The following GSPT1 variants were observed in gnomAD, a reference collection of about 807,000 sequenced individuals.
GSPT1 encodes the protein eukaryotic peptide chain release factor GTP-binding subunit ERF3A.
A neutral mutation model predicts 72.5 loss-of-function variants in GSPT1; 20 were observed. The observed-to-expected ratio is 0.28, with a 90% CI of 0.19 to 0.40. The LOEUF is 0.40. Among genes scored for constraint, GSPT1 ranks in the 10% least tolerant of loss-of-function variants. The pLI is 1.00. For synonymous variants in GSPT1, 334 were observed against 293.5 expected, an observed-to-expected ratio of 1.14 and a Z score of -1.41; for missense variants, 580 against 811.9, an observed-to-expected ratio of 0.71 and a Z score of 3.47.
At chr16:11,882,269 A>G (rs1567437415) in intron 11 of GSPT1, 1 of 152,182 alleles carries the variant, frequency 6.6e-6, no homozygotes, top group East Asian at 1.9e-4. Flanking sequence ...AGCAGCAACA[A>G]CTAACTAAGA....
chr16:11,869,755 C>G lies in GSPT1; in HGVS notation c.*3364G>C, dbSNP rs904844394. The G allele has an allele frequency of 1.3e-5, 2 of 152,182 alleles. No individual in the cohort carries two copies. Among genetic ancestry groups the G allele is most frequent in the Non-Finnish European group, 2.9e-5 (2 of 68,042 alleles). The allele number at this position is 152,182 out of a possible 1,614,324, so 9.4% of individuals were successfully genotyped here. A position where few individuals can be genotyped will look rare whatever the true frequency, so the allele number is the denominator to read the frequency against. ...GAGTGCTGTTATGTGTAATAGTCAT[C>G]AAAGATCACGGAGTAATTCCAGTCA... is the stretch of plus-strand genomic sequence containing the variant. On this transcript the variant is annotated 3_prime_UTR_variant, in exon 15 of 15. Coordinates refer to ENST00000434724, the MANE Select transcript of GSPT1 (RefSeq NM_002094.4).
chr16:11,913,502 GA>G (rs2054586508), intron 1 of GSPT1, among the ~76,000 whole-genome samples: 1 of 152,176 alleles, frequency 6.6e-6, no homozygotes, highest in Admixed American at 6.5e-5. Flanking sequence ...CAACTATCAG[GA>G]AGAGAGAAAG....
At position 11,915,634 on chromosome 16, in the gene GSPT1, G is replaced by A. The variant is rs1279343400; in HGVS notation, c.87C>T (p.Asp29=). 6.7e-7 allele frequency: 1 copy of A among 1,488,966 alleles called. No homozygotes were observed. The highest frequency in any genetic ancestry group is 1.5e-5 in the African/African-American group (1 of 67,766). 92.2% of individuals were successfully genotyped at this position (1,488,966 alleles called of 1,614,324 possible). Residue 29 remains aspartate, a synonymous_variant, in exon 1 of 15, where the codon GAC becomes GAT. Coordinates refer to ENST00000434724, the MANE Select transcript of GSPT1 (RefSeq NM_002094.4). ...SGSSSSDSAP[D]CWDQADMEAP... Reference sequence around the variant, plus strand: ...CTTCCATGTCCGCCTGGTCCCAGCAGTCAGGCGCCGAGTCGCTGCTGCTGC... The same window carrying A: ...CTTCCATGTCCGCCTGGTCCCAGCAATCAGGCGCCGAGTCGCTGCTGCTGC...
At position 11,873,978 on chromosome 16, in the gene GSPT1, G is replaced by A. The variant is rs2054008365; in HGVS notation, c.1862-807C>T. ...TGGAGTACTATTCAGTGATACAAAG[G>A]AATAAATAACATGTTACATGGTTGA... On this transcript the variant is annotated intron_variant, in intron 14 of 14. Transcript: ENST00000434724. Among the ~76,000 whole-genome samples the A allele has an allele frequency of 2.6e-5, 4 of 152,308 alleles. No individual in the cohort carries two copies. In the South Asian group the frequency reaches 8.3e-4, roughly 32 times the overall value.
intron 10 of GSPT1, among the ~76,000 whole-genome samples, chr16:11,883,591 G>T (rs1346042045): frequency 6.7e-6 from 1 of 149,380 alleles, no homozygotes; most frequent in African/African-American, 2.5e-5. Context: ...CTCGACTCCA[G>T]CTTGGGTAAA....
Position 11,887,479 on chromosome 16 carries a change from G to C in GSPT1, c.957+91C>G, listed in dbSNP as rs1027721495. ...ACATCATTATATTTCACTGCAACCT[G>C]AATTTGAGCTTTTAGAAGATAAATT... On this transcript the variant is annotated intron_variant, in intron 7 of 14. Coordinates refer to ENST00000434724, the MANE Select transcript of GSPT1 (RefSeq NM_002094.4). 7.7e-6 allele frequency: 8 copies of C among 1,044,124 alleles called. No individual in the cohort carries two copies. In the African/African-American group the frequency reaches 1.3e-4, roughly 16 times the overall value. The allele number at this position is 1,044,124 out of a possible 1,614,324, so 64.7% of individuals were successfully genotyped here. A position where few individuals can be genotyped will look rare whatever the true frequency, so the allele number is the denominator to read the frequency against.
Position 11,887,618 on chromosome 16 carries a change from A to G in GSPT1, c.909T>C (p.Phe303=). The change falls in exon 7 of 15, where the codon TTT becomes TTC. Residue 303 remains phenylalanine, a synonymous_variant. Coordinates refer to ENST00000434724, the MANE Select transcript of GSPT1 (RefSeq NM_002094.4). Reference sequence around the variant, plus strand: ...AGGCACCACCAATCATATTTGGGACAAAACTCTTGTGGCCAGGGGCATCTA... The same window carrying G: ...AGGCACCACCAATCATATTTGGGACGAAACTCTTGTGGCCAGGGGCATCTA... ...TILDAPGHKS[F]VPNMIGGASQ... 1.9e-6 allele frequency: 3 copies of G among 1,614,106 alleles called. No individual in the cohort carries two copies. The highest frequency in any genetic ancestry group is 2.5e-6 in the Non-Finnish European group (3 of 1,179,970).
In GSPT1 at chr16:11,871,508, A is replaced by C. The variant is rs1207659505; in HGVS notation, c.*1611T>G. 6.6e-6 allele frequency: 1 copy of C among 152,242 alleles called. No homozygotes were observed. Among genetic ancestry groups the C allele is most frequent in the Non-Finnish European group, 1.5e-5 (1 of 68,064 alleles). 9.4% of individuals were successfully genotyped at this position (152,242 alleles called of 1,614,324 possible). A position where few individuals can be genotyped will look rare whatever the true frequency, so the allele number is the denominator to read the frequency against. On this transcript the variant is annotated 3_prime_UTR_variant, in exon 15 of 15. Coordinates refer to ENST00000434724, the MANE Select transcript of GSPT1 (RefSeq NM_002094.4). ...CTTGAATCCGGGAGGTGGAGGCTGC[A>C]GTGAGCTGAGATCGAGCCACTGCAC... is the stretch of plus-strand genomic sequence containing the variant.
At chr16:11,899,449 G>T (rs947851169) in intron 1 of GSPT1, among the ~76,000 whole-genome samples, 1 of 151,998 alleles carries the variant, frequency 6.6e-6, no homozygotes, top group Non-Finnish European at 1.5e-5. Flanking sequence ...CATCACCACT[G>T]CAAGAAAGCA....
At chr16:11,900,798 G>C (rs17236573) in intron 1 of GSPT1, among the ~76,000 whole-genome samples, 65,439 of 151,922 alleles carry the variant, frequency 0.43, 16,880 homozygotes, top group Non-Finnish European at 0.59. Flanking sequence ...ACTTACACCT[G>C]ACCACTTAGT....
In GSPT1 at chr16:11,875,835, C is replaced by G; in HGVS notation, c.1787G>C (p.Arg596Thr). ...KQDQVCIARL[R>T]TAGTICLETF... is the part of the protein sequence containing the mutation. ...CTCAAGGCAGATGGTTCCTGCTGTC[C>G]TTAAGCGAGCAATGCATACTTGATC... Residue 596 changes from arginine to threonine, a missense_variant, in exon 14 of 15, where the codon AGG becomes ACG. This residue lies in a region of GSPT1 where 120 missense variants were observed against 242.5 expected (regional missense o/e 0.49). Coordinates refer to ENST00000434724, the MANE Select transcript of GSPT1 (RefSeq NM_002094.4). 1 of 1,613,654 alleles carries G rather than the reference C, an allele frequency of 6.2e-7. No individual in the cohort carries two copies. Among genetic ancestry groups the G allele is most frequent in the East Asian group, 2.2e-5 (1 of 44,864 alleles).
chr16:11,886,061 C>A (rs896055231), intron 9 of GSPT1, among the ~76,000 whole-genome samples: 1 of 152,004 alleles, frequency 6.6e-6, no homozygotes, highest in East Asian at 1.9e-4. Flanking sequence ...TACACATAGA[C>A]CTTACATCTT....
At chr16:11,892,557 G>A (rs540890855) in intron 5 of GSPT1, among the ~76,000 whole-genome samples, 3 of 147,298 alleles carry the variant, frequency 2.0e-5, no homozygotes, top group Non-Finnish European at 3.0e-5. Context: ...GGCCGGGCAC[G>A]GTGGCTCAGG....
intron 1 of GSPT1, among the ~76,000 whole-genome samples, chr16:11,909,864 T>C (rs956595435): frequency 6.6e-6 from 1 of 152,020 alleles, no homozygotes; most frequent in African/African-American, 2.4e-5. Flanking sequence ...AGGCAGAGGT[T>C]ACGGTGAGCC....
intron 10 of GSPT1, among the ~76,000 whole-genome samples, chr16:11,884,790 G>C (rs1260957840): frequency 6.7e-6 from 1 of 150,336 alleles, no homozygotes; most frequent in Non-Finnish European, 1.5e-5. Flanking sequence ...AAGAAGGCCA[G>C]GTACGGTGGC....
chr16:11,914,857 G>C (rs975415018), intron 1 of GSPT1: 17 of 464,138 alleles, frequency 3.7e-5, no homozygotes, highest in Middle Eastern at 3.5e-4. Context: ...TGGGGGCCAC[G>C]GACAGTTTAA....
At chr16:11,896,899 A>C in intron 3 of GSPT1, 114 bp from the exon 4 acceptor site, 1 of 700,416 alleles carries the variant, frequency 1.4e-6, no homozygotes, top group South Asian at 1.8e-5. Context: ...CCATTTCCTA[A>C]TGCCTAGTGA....
chr16:11,914,977 C>CT (rs2054611758), intron 1 of GSPT1: 1 of 1,284,846 alleles, frequency 7.8e-7, no homozygotes, highest in African/African-American at 1.5e-5. Context: ...CCTGGGATCT[C>CT]TAAACGCCCA....
chr16:11,916,044 T>G, upstream of GSPT1: 1 of 616,566 alleles, frequency 1.6e-6, no homozygotes, highest in Non-Finnish European at 3.1e-6. Flanking sequence ...ACCCGTACCT[T>G]CGCCTCGGTA....
Sources: allele counts gnomAD v4.1 joint callset (sites outside exome capture counted in the v4.1 genomes callset), GRCh38; gene constraint gnomAD v4.1.1; regional missense constraint gnomAD v4.1.1; transcripts MANE v1.5; gene names NCBI Gene and HGNC (gene_info 2026-07-23, HGNC 2026-07-21).